NRXN3: variants seen among roughly 807,000 people sequenced by gnomAD.
The protein encoded by NRXN3 is neurexin 3.
Under a neutral mutation model 137.6 loss-of-function variants are expected in NRXN3, and 32 were observed. That is an observed-to-expected ratio of 0.23 (90% CI 0.18 to 0.31). The LOEUF (loss-of-function observed/expected upper bound fraction) is 0.31. NRXN3 is among the 10% of genes least tolerant of loss of function. The probability of loss-of-function intolerance (pLI) is 1.00; values close to 1 mark genes in which losing one functional copy is unlikely to be tolerated. For synonymous variants in NRXN3, 798 were observed against 784.5 expected, an observed-to-expected ratio of 1.02 and a Z score of -0.29; for missense variants, 1,574 against 2,062.5, an observed-to-expected ratio of 0.76 and a Z score of 4.59.
intron 4 of NRXN3, among the ~76,000 whole-genome samples, chr14:78,415,233 ACAG>A (rs1252123704): frequency 6.6e-6 from 1 of 152,204 alleles, no homozygotes; most frequent in African/African-American, 2.4e-5. Context: ...GGATGAGATG[ACAG>A]CATGTATACA....
At chr14:79,740,723 T>TATATAC (rs2098959370) in intron 19 of NRXN3, among the ~76,000 whole-genome samples, 1 of 20,804 alleles carries the variant, frequency 4.8e-5, no homozygotes, top group Non-Finnish European at 9.6e-5. Flanking sequence ...TATATATATA[T>TATATAC]ATATATATAT....
At chr14:78,431,375 C>T (rs557943054) in intron 4 of NRXN3, among the ~76,000 whole-genome samples, 6 of 152,254 alleles carry the variant, frequency 3.9e-5, no homozygotes, top group East Asian at 3.9e-4. Context: ...CTCGAACACC[C>T]GTACTGTATG....
chr14:78,237,338 G>C (rs2153447789), intron 1 of NRXN3, among the ~76,000 whole-genome samples: 1 of 152,332 alleles, frequency 6.6e-6, no homozygotes, highest in African/African-American at 2.4e-5. Context: ...TCATGAAATG[G>C]AAGTCACAGG....
At chr14:79,201,532 G>A (rs2066009781) in intron 15 of NRXN3, 3 of 152,184 alleles carry the variant, frequency 2.0e-5, no homozygotes, top group Admixed American at 6.5e-5. Flanking sequence ...TCTGAGATTG[G>A]CAGCATTTGG....
intron 15 of NRXN3, among the ~76,000 whole-genome samples, chr14:79,135,779 A>G (rs569856826): frequency 6.6e-6 from 1 of 152,150 alleles, no homozygotes; most frequent in South Asian, 2.1e-4. Context: ...TACATAAATT[A>G]TTTCTTTTCA....
At chr14:79,170,954 T>G (rs2061720067) in intron 15 of NRXN3, among the ~76,000 whole-genome samples, 1 of 152,084 alleles carries the variant, frequency 6.6e-6, no homozygotes, top group Admixed American at 6.6e-5. Context: ...AATACTACTT[T>G]TTCAAGGGGA....
intron 4 of NRXN3, among the ~76,000 whole-genome samples, chr14:78,418,732 A>G (rs1268530405): frequency 6.6e-6 from 1 of 152,236 alleles, no homozygotes; most frequent in Non-Finnish European, 1.5e-5. Flanking sequence ...TAATAGTACT[A>G]TTAATAATAA....
intron 10 of NRXN3, among the ~76,000 whole-genome samples, chr14:78,923,414 C>A (rs540818380): frequency 8.5e-5 from 13 of 152,292 alleles, no homozygotes; most frequent in African/African-American, 2.9e-4. Flanking sequence ...AGGAGGTTGG[C>A]AAACTACCTT....
At chr14:79,081,603 G>A (rs1234916854) in intron 15 of NRXN3, among the ~76,000 whole-genome samples, 2 of 117,842 alleles carry the variant, frequency 1.7e-5, no homozygotes, top group African/African-American at 6.2e-5. Context: ...GCGACAGAGT[G>A]AGACTTTATC....
intron 15 of NRXN3, among the ~76,000 whole-genome samples, chr14:79,387,672 C>T (rs35607047): frequency 0.31 from 46,712 of 151,134 alleles, 7,553 homozygotes; most frequent in Admixed American, 0.39. Context: ...TATTGCAGCA[C>T]TATTCACAAG....
At chr14:78,656,040 A>G (rs2097782228) in intron 6 of NRXN3, among the ~76,000 whole-genome samples, 1 of 152,156 alleles carries the variant, frequency 6.6e-6, no homozygotes, top group Admixed American at 6.5e-5. Context: ...CCCACCTCCT[A>G]AAACTGTCAC....
chr14:79,230,211 T>C (rs775802782), intron 15 of NRXN3, among the ~76,000 whole-genome samples: 126 of 152,224 alleles, frequency 8.3e-4, no homozygotes, highest in Non-Finnish European at 1.3e-4. Context: ...AGGGTAGATT[T>C]CTTGGGTAAC....
At chr14:79,785,990 AC>A (rs977810527) in intron 19 of NRXN3, among the ~76,000 whole-genome samples, 1 of 151,886 alleles carries the variant, frequency 6.6e-6, no homozygotes, top group African/African-American at 2.4e-5. Flanking sequence ...AGCAAGACAC[AC>A]CTCTGTCCCC....
At chr14:78,651,609 G>T (rs570141471) in intron 6 of NRXN3, among the ~76,000 whole-genome samples, 11 of 152,284 alleles carry the variant, frequency 7.2e-5, no homozygotes, top group African/African-American at 2.6e-4. Context: ...AGGTTTAATT[G>T]ATTTACAGTT....
At chr14:78,306,807 GAGA>G (rs2077415455) in intron 4 of NRXN3, among the ~76,000 whole-genome samples, 1 of 152,096 alleles carries the variant, frequency 6.6e-6, no homozygotes, top group Non-Finnish European at 1.5e-5. Context: ...AATATTGATG[GAGA>G]GCCAACGATA....
At chr14:79,080,968 T>G (rs1230244473) in intron 15 of NRXN3, among the ~76,000 whole-genome samples, 1 of 152,184 alleles carries the variant, frequency 6.6e-6, no homozygotes, top group African/African-American at 2.4e-5. Flanking sequence ...CATTAACTTT[T>G]TTTTGTTTTG....
chr14:79,279,296 C>A (rs2153438805), intron 15 of NRXN3: 24 of 954,590 alleles, frequency 2.5e-5, no homozygotes, highest in South Asian at 4.8e-5. Context: ...CTCGGCAGAG[C>A]GCTGGGGCTG....
Position 79,865,294 on chromosome 14 carries a change from T to C in NRXN3, c.*3330T>C, listed in dbSNP as rs1033733863. Reference sequence around the variant, plus strand: ...TACAAGAATTTCTGATTACAACTTGTTTCATACACCCATTGTAGCAGTAAT... The same window carrying C: ...TACAAGAATTTCTGATTACAACTTGCTTCATACACCCATTGTAGCAGTAAT... On this transcript the variant is annotated 3_prime_UTR_variant, in exon 21 of 21. Coordinates refer to ENST00000335750, the MANE Select transcript of NRXN3 (RefSeq NM_001330195.2). 6 of 152,182 alleles carry C rather than the reference T, an allele frequency of 3.9e-5. No homozygotes were observed. The highest frequency in any genetic ancestry group is 1.2e-4 in the African/African-American group (5 of 41,446). 9.4% of individuals were successfully genotyped at this position (152,182 alleles called of 1,614,324 possible).
intron 10 of NRXN3, among the ~76,000 whole-genome samples, chr14:78,862,251 G>GATAGATAA (rs2099074382): frequency 6.6e-6 from 1 of 151,682 alleles, no homozygotes; most frequent in African/African-American, 2.4e-5. Flanking sequence ...AGCAAAGATA[G>GATAGATAA]ATAGATAGAT....
Sources: gnomAD v4.1 joint callset for allele counts (sites outside exome capture counted in the v4.1 genomes callset) on GRCh38, gnomAD v4.1.1 for gene constraint, MANE v1.5 for transcripts, NCBI Gene and HGNC (gene_info 2026-07-23, HGNC 2026-07-21) for gene names.